HTR1F: variants seen among roughly 807,000 people sequenced by gnomAD.
HTR1F encodes the protein 5-hydroxytryptamine receptor 1F, also known as 5-hydroxytryptamine (serotonin) receptor 1F, G protein-coupled.
A neutral mutation model predicts 24.0 loss-of-function variants in HTR1F; 17 were observed. The observed-to-expected ratio is 0.71, with a 90% CI of 0.48 to 1.06. HTR1F has a LOEUF of 1.06. Ranked by LOEUF, HTR1F falls within the 50% of genes least tolerant of loss-of-function variation. The pLI is 0.00. For synonymous variants in HTR1F, 186 were observed against 156.8 expected, an observed-to-expected ratio of 1.19 and a Z score of -1.39; for missense variants, 391 against 427.8, an observed-to-expected ratio of 0.91 and a Z score of 0.76.
At chr3:87,970,517 G>C (rs563873744) in intron 2 of HTR1F, among the ~76,000 whole-genome samples, 1 of 152,328 alleles carries the variant, frequency 6.6e-6, no homozygotes, top group South Asian at 2.1e-4. Flanking sequence ...ACAGGGAATA[G>C]CTGGAGCTAT....
At chr3:87,948,730 C>T (rs1704768716) in intron 2 of HTR1F, among the ~76,000 whole-genome samples, 1 of 152,182 alleles carries the variant, frequency 6.6e-6, no homozygotes, top group African/African-American at 2.4e-5. Context: ...ATTTGCCCAC[C>T]TTGGCCTCCC....
chr3:87,794,905 C>G (rs779273393), intron 1 of HTR1F, among the ~76,000 whole-genome samples: 7 of 149,818 alleles, frequency 4.7e-5, no homozygotes, highest in Non-Finnish European at 1.0e-4. Context: ...TATACACATA[C>G]TTTTCTTAGA....
chr3:87,836,051 T>A (rs1704676309), intron 2 of HTR1F, among the ~76,000 whole-genome samples: 1 of 152,178 alleles, frequency 6.6e-6, no homozygotes, highest in Admixed American at 6.6e-5. Context: ...TCTCCAGGAT[T>A]CTACCCAGCA....
chr3:87,960,666 G>T (rs781019047), intron 2 of HTR1F, among the ~76,000 whole-genome samples: 15 of 151,944 alleles, frequency 9.9e-5, no homozygotes, highest in Non-Finnish European at 1.9e-4. Context: ...GAAGCATCTT[G>T]CATGGATTCA....
chr3:87,898,991 C>G (rs1288834333), intron 2 of HTR1F, among the ~76,000 whole-genome samples: 2 of 152,218 alleles, frequency 1.3e-5, no homozygotes, highest in East Asian at 3.9e-4. Context: ...GAAATTTTAA[C>G]AAGATTCTGC....
intron 2 of HTR1F, among the ~76,000 whole-genome samples, chr3:87,828,822 G>A (rs1704514696): frequency 6.6e-6 from 1 of 152,104 alleles, no homozygotes; most frequent in Non-Finnish European, 1.5e-5. Flanking sequence ...TGAAAATGTA[G>A]ATTAATATAT....
rs763444517 is a variant in HTR1F at position 87,899,820 on chromosome 3, G to T, written c.-43+77696G>T. ...GGAGGTTGCAGTGAGCCAAGATTGC[G>T]CCACTGCACTCCAGCCTGGGTGGCA... On this transcript the variant is annotated intron_variant, in intron 2 of 2. Transcript: ENST00000319595. 6.6e-5 allele frequency among the ~76,000 whole-genome samples: 10 copies of T among 152,200 alleles called. No homozygotes were observed. In the East Asian group the frequency reaches 1.4e-3, roughly 21 times the overall value.
chr3:87,820,240 G>C (rs1159989709), intron 1 of HTR1F, among the ~76,000 whole-genome samples: 3 of 148,352 alleles, frequency 2.0e-5, no homozygotes, highest in African/African-American at 7.5e-5. Flanking sequence ...GCAGTGGCAG[G>C]ATCTCGGCTC....
At position 87,897,110 on chromosome 3, in the gene HTR1F, G is replaced by A. The variant is rs555840885; in HGVS notation, c.-43+74986G>A. Among the ~76,000 whole-genome samples the A allele has an allele frequency of 1.1e-4, 16 of 151,808 alleles. No individual in the cohort carries two copies. In the East Asian group the frequency reaches 2.3e-3, roughly 22 times the overall value. On this transcript the variant is annotated intron_variant, in intron 2 of 2. Coordinates refer to ENST00000319595, the MANE Select transcript of HTR1F (RefSeq NM_001322209.2). The stretch of plus-strand genomic sequence containing the variant: ...CACCTGTTAAAGATATTGAGCTCCC[G>A]TGTTCATTGCAACATTATTCACAAT...
chr3:87,957,413 GTTT>G (rs976800294), intron 2 of HTR1F, among the ~76,000 whole-genome samples: 4 of 151,102 alleles, frequency 2.6e-5, no homozygotes, highest in African/African-American at 9.7e-5. Context: ...GTCTTTTTCT[GTTT>G]TTGTTTTTTG....
chr3:87,831,490 G>C (rs902524631), intron 2 of HTR1F, among the ~76,000 whole-genome samples: 2 of 151,694 alleles, frequency 1.3e-5, no homozygotes, highest in Non-Finnish European at 2.9e-5. Flanking sequence ...AGCCTCCTGA[G>C]TAGCTGGGAT....
At chr3:87,950,560 TA>T (rs11463837) in intron 2 of HTR1F, among the ~76,000 whole-genome samples, 5,416 of 144,918 alleles carry the variant, frequency 0.037, 152 homozygotes, top group African/African-American at 0.085. Context: ...AGTGTCAACT[TA>T]AAAAAAAAAA....
At chr3:87,841,233 AATT>A (rs1265292087) in intron 2 of HTR1F, among the ~76,000 whole-genome samples, 3 of 151,984 alleles carry the variant, frequency 2.0e-5, no homozygotes, top group African/African-American at 7.3e-5. Context: ...GTATTAACAA[AATT>A]ATTATATGAC....
intron 2 of HTR1F, among the ~76,000 whole-genome samples, chr3:87,932,035 G>A (rs576013090): frequency 6.6e-6 from 1 of 152,216 alleles, no homozygotes; most frequent in East Asian, 1.9e-4. Flanking sequence ...CTGTGCAGAA[G>A]CTCTCTAGTT....
chr3:87,932,408 C>G (rs1036187327), intron 2 of HTR1F, among the ~76,000 whole-genome samples: 1 of 152,088 alleles, frequency 6.6e-6, no homozygotes, highest in African/African-American at 2.4e-5. Flanking sequence ...ATCTATATCT[C>G]TGTTTTGGTA....
rs192706457 is a variant in HTR1F at position 87,880,850 on chromosome 3, A to G, written c.-43+58726A>G. Among the ~76,000 whole-genome samples the G allele has an allele frequency of 7.2e-4, 109 of 152,290 alleles. 1 individual carries two copies. The highest frequency in any genetic ancestry group is 1.4e-3 in the Non-Finnish European group (95 of 68,024). ...GGATTTTCAACGTAAACAGTTGTAA[A>G]CTGTAATTGGAGACTTATCAAATTC... On this transcript the variant is annotated intron_variant, in intron 2 of 2. Transcript: ENST00000319595.
intron 2 of HTR1F, among the ~76,000 whole-genome samples, chr3:87,969,343 G>A (rs1253307313): frequency 2.0e-5 from 3 of 152,202 alleles, no homozygotes. Flanking sequence ...AGCCGGGAGG[G>A]AGGCTGTACC....
intron 2 of HTR1F, among the ~76,000 whole-genome samples, chr3:87,907,150 C>G (rs1347027188): frequency 6.6e-6 from 1 of 151,882 alleles, no homozygotes; most frequent in Non-Finnish European, 1.5e-5. Flanking sequence ...TACATTCCCA[C>G]CAACATGTAA....
chr3:87,898,277 G>C (rs1553673113), intron 2 of HTR1F, among the ~76,000 whole-genome samples: 1 of 152,148 alleles, frequency 6.6e-6, no homozygotes, highest in Non-Finnish European at 1.5e-5. Flanking sequence ...GGATGATAGA[G>C]CCTGGAATTC....
Sources: gnomAD v4.1 joint callset for allele counts (sites outside exome capture counted in the v4.1 genomes callset) on GRCh38, gnomAD v4.1.1 for gene constraint, MANE v1.5 for transcripts, NCBI Gene and HGNC (gene_info 2026-07-23, HGNC 2026-07-21) for gene names.